CEP192: variants seen among roughly 807,000 people sequenced by gnomAD.
The protein encoded by CEP192 is centrosomal protein 192.
In CEP192, 151 loss-of-function variants were observed where a neutral mutation model predicts 271.8. That is an observed-to-expected ratio of 0.56 (90% CI 0.49 to 0.64). The LOEUF is 0.64. Among genes scored for constraint, CEP192 ranks in the 30% least tolerant of loss-of-function variants. The pLI, the probability that CEP192 is intolerant of heterozygous loss-of-function variation, is 0.00. For synonymous variants in CEP192, 995 were observed against 1,076.5 expected (o/e 0.92, Z 1.48); for missense variants, 2,910 against 3,020.5 (o/e 0.96, Z 0.86).
chr18:13,006,828 G>A (rs578167822), intron 3 of CEP192, among the ~76,000 whole-genome samples: 3 of 152,250 alleles, frequency 2.0e-5, no homozygotes, highest in East Asian at 3.9e-4. Flanking sequence ...CTTCTGGGCC[G>A]CTGTAACTGC....
chr18:13,018,610 G>A lies in CEP192; in HGVS notation c.920G>A (p.Gly307Glu), dbSNP rs1272031183. The change falls in exon 8 of 45, where the codon GGG becomes GAG. Residue 307 changes from glycine (G) to glutamate (E), a missense_variant. Physicochemically the swap from Gly to Glu is moderately conservative, Grantham distance 98. Coordinates refer to ENST00000506447, the MANE Select transcript of CEP192 (RefSeq NM_032142.4). Reference protein sequence around the residue: ...SEESQVICLPGTSNSIGTGDS... With the variant: ...SEESQVICLPETSNSIGTGDS... ...GAAAGCCAAGTTATTTGTCTACCTG[G>A]GACTAGTAAGTATAGAAATATGATT... 6.6e-7 allele frequency: 1 copy of A among 1,509,852 alleles called. No homozygotes were observed. Among genetic ancestry groups the A allele is most frequent in the East Asian group, 2.5e-5 (1 of 39,996 alleles). 93.5% of individuals were successfully genotyped at this position (1,509,852 alleles called of 1,614,324 possible).
intron 14 of CEP192, 51 bp downstream of exon 14, chr18:13,041,007 G>T: frequency 6.6e-7 from 1 of 1,508,616 alleles, no homozygotes; most frequent in East Asian, 2.3e-5. Flanking sequence ...TCTTAAATGC[G>T]TAACTTAGGG....
chr18:13,099,387 A>T, intron 36 of CEP192, 89 bp from the exon 37 acceptor site: 2 of 664,568 alleles, frequency 3.0e-6, no homozygotes, highest in Non-Finnish European at 5.1e-6. Context: ...GGAAATGGCC[A>T]TTGGCTGGTA....
chr18:13,043,175 A>G (rs1315259074), intron 15 of CEP192, among the ~76,000 whole-genome samples: 1 of 152,206 alleles, frequency 6.6e-6, no homozygotes, highest in Non-Finnish European at 1.5e-5. Flanking sequence ...GCTGGTCATT[A>G]GGAGGCTTAT....
intron 44 of CEP192, among the ~76,000 whole-genome samples, 187 bp downstream of exon 44, chr18:13,117,830 C>G (rs542625728): frequency 6.6e-6 from 1 of 152,158 alleles, no homozygotes; most frequent in African/African-American, 2.4e-5. Context: ...AGCTCCTGAC[C>G]GTCCGTGGTG....
intron 44 of CEP192, 80 bp downstream of exon 44, chr18:13,117,723 C>G: frequency 2.0e-6 from 2 of 1,022,570 alleles, no homozygotes; most frequent in South Asian, 2.6e-5. Flanking sequence ...TGTGAGGTCT[C>G]CTCTGCTGCA....
At chr18:13,043,424 A>G (rs2036314126) in intron 15 of CEP192, among the ~76,000 whole-genome samples, 2 of 152,214 alleles carry the variant, frequency 1.3e-5, no homozygotes. Context: ...AAATACCATG[A>G]CATCGTGGGT....
At chr18:13,091,706 C>G (rs1256433637) in intron 33 of CEP192, among the ~76,000 whole-genome samples, 1 of 152,142 alleles carries the variant, frequency 6.6e-6, no homozygotes, top group Non-Finnish European at 1.5e-5. Flanking sequence ...GACTCAAAGA[C>G]TATCTAATTT....
intron 5 of CEP192, 145 bp downstream of exon 5, chr18:13,013,170 T>C: frequency 1.9e-6 from 1 of 537,780 alleles, no homozygotes; most frequent in Non-Finnish European, 3.3e-6. Flanking sequence ...TCAGTAAAAA[T>C]GGGAGTTTCT....
At chr18:13,028,042 G>A (rs770597843) in intron 9 of CEP192, among the ~76,000 whole-genome samples, 2 of 152,132 alleles carry the variant, frequency 1.3e-5, no homozygotes, top group Non-Finnish European at 2.9e-5. Context: ...TGAAATCAAG[G>A]TGTTAGCAGG....
intron 30 of CEP192, among the ~76,000 whole-genome samples, chr18:13,081,058 T>C (rs1172532623): frequency 6.6e-6 from 1 of 152,226 alleles, no homozygotes; most frequent in East Asian, 1.9e-4. Context: ...TATTGAAGAT[T>C]TTCCCATCGA....
chr18:13,045,659 A>G (rs1470769958), intron 15 of CEP192, among the ~76,000 whole-genome samples: 4 of 152,236 alleles, frequency 2.6e-5, no homozygotes, highest in Admixed American at 2.6e-4. Context: ...GTATATCAAC[A>G]TTTGCTTTAA....
At position 13,100,501 on chromosome 18, in the gene CEP192, G is replaced by A; in HGVS notation, c.6860G>A (p.Gly2287Asp). 1 of 1,610,372 alleles carries A rather than the reference G, an allele frequency of 6.2e-7. No individual in the cohort carries two copies. Among genetic ancestry groups the A allele is most frequent in the Non-Finnish European group, 8.5e-7 (1 of 1,177,224 alleles). Residue 2287 changes from glycine to aspartate, a missense_variant, in exon 38 of 45, where the codon GGT becomes GAT. Transcript: ENST00000506447. ...ATTACTTTTCCTACAACAGAACCTGGTGAAACTTCAGGTATTGTATCACAA... is the reference window on the plus strand; with the variant it reads ...ATTACTTTTCCTACAACAGAACCTGATGAAACTTCAGGTATTGTATCACAA... ...KSITFPTTEP[G>D]ETSESCLELE...
At chr18:13,060,811 C>A (rs866432481) in intron 21 of CEP192, among the ~76,000 whole-genome samples, 11 of 152,020 alleles carry the variant, frequency 7.2e-5, no homozygotes, top group Middle Eastern at 3.4e-3. Context: ...GTGATCCCAA[C>A]TACTCAAGAA....
chr18:13,072,610 T>G, intron 28 of CEP192, 145 bp from the exon 29 acceptor site: 1 of 650,530 alleles, frequency 1.5e-6, no homozygotes, highest in East Asian at 2.7e-5. Flanking sequence ...CCTAGGACTG[T>G]GGGGAGACAA....
rs767578483 is a variant in CEP192 at position 13,042,306 on chromosome 18, C to T, written c.2039C>T (p.Thr680Met). 18 of 1,613,922 alleles carry T rather than the reference C, an allele frequency of 1.1e-5. No homozygotes were observed. The highest frequency in any genetic ancestry group is 2.2e-5 in the East Asian group (1 of 44,866). Reference sequence around the variant, plus strand: ...TCACAAGTGGATGAAAATGATGTGACGTTAACGGCTGATAAAGGCAAAACA... The same window carrying T: ...TCACAAGTGGATGAAAATGATGTGATGTTAACGGCTGATAAAGGCAAAACA... ...STSQVDENDV[T>M]LTADKGKTED... Residue 680 changes from threonine (T) to methionine (M), a missense_variant, in exon 15 of 45, where the codon ACG (threonine) becomes ATG (methionine). Coordinates refer to ENST00000506447, the MANE Select transcript of CEP192 (RefSeq NM_032142.4).
intron 42 of CEP192, among the ~76,000 whole-genome samples, chr18:13,114,909 T>C (rs966852035): frequency 2.6e-5 from 4 of 152,214 alleles, no homozygotes; most frequent in Non-Finnish European, 4.4e-5. Context: ...GTAAAACTTA[T>C]ACCAGCCGCA....
At chr18:13,028,559 C>G (rs1181362346) in intron 9 of CEP192, among the ~76,000 whole-genome samples, 2 of 151,938 alleles carry the variant, frequency 1.3e-5, no homozygotes, top group Non-Finnish European at 2.9e-5. Flanking sequence ...CACTCTTGTC[C>G]CCCAGGCTGG....
chr18:13,061,855 T>G (rs2144255472), intron 21 of CEP192, among the ~76,000 whole-genome samples: 1 of 152,334 alleles, frequency 6.6e-6, no homozygotes. Context: ...TGATAACCAG[T>G]AACGTCTCCA....
Sources: gnomAD v4.1 joint callset for allele counts (sites outside exome capture counted in the v4.1 genomes callset) on GRCh38, gnomAD v4.1.1 for gene constraint, MANE v1.5 for transcripts, NCBI Gene and HGNC (gene_info 2026-07-23, HGNC 2026-07-21) for gene names.